The following SOCS5 variants were observed in gnomAD, a reference collection of about 807,000 sequenced individuals.
SOCS5 encodes the protein CIS-6.
In SOCS5, 32 loss-of-function variants were observed where a neutral mutation model predicts 42.8. The ratio of observed to expected loss-of-function variants is 0.75; its 90% confidence interval spans 0.56 to 1.01. The LOEUF is 1.01. Ranked by LOEUF, SOCS5 falls within the 50% of genes least tolerant of loss-of-function variation. SOCS5 has a pLI of 0.00. For synonymous variants in SOCS5, 283 were observed against 229.6 expected (o/e 1.23, Z -2.10); for missense variants, 627 against 653.0 (o/e 0.96, Z 0.43).
chr2:46,759,985 GTA>G lies in SOCS5; in HGVS notation c.1459_1460del (p.Ile487LeufsTer12), dbSNP rs754935057. On this transcript the variant is annotated frameshift_variant, in exon 2 of 2. Coordinates refer to ENST00000394861, the MANE Select transcript of SOCS5 (RefSeq NM_144949.3). LOFTEE classifies it high-confidence loss of function. ...LNRTFPFSLQ[Y>X]ICRAVICRCT... is the part of the protein sequence containing the mutation. ...ATAGGACTTTCCCTTTTAGCCTGCA[GTA>G]TATCTGTCGCGCGGTAATCTGCAGG... 1 of 1,614,040 alleles carries G rather than the reference GTA, an allele frequency of 6.2e-7. No homozygotes were observed. Among genetic ancestry groups the G allele is most frequent in the Non-Finnish European group, 8.5e-7 (1 of 1,180,030 alleles).
intron 1 of SOCS5, among the ~76,000 whole-genome samples, chr2:46,747,537 A>T (rs1186123738): frequency 1.3e-5 from 2 of 152,084 alleles, no homozygotes; most frequent in African/African-American, 2.4e-5. Context: ...AATCTGTTTT[A>T]TATCTCCATG....
chr2:46,723,246 A>C (rs1055759637), intron 1 of SOCS5, among the ~76,000 whole-genome samples: 1 of 152,008 alleles, frequency 6.6e-6, no homozygotes, highest in African/African-American at 2.4e-5. Flanking sequence ...CCATGTCCCA[A>C]TGATTTTATC....
At chr2:46,705,507 C>G (rs906263156) in intron 1 of SOCS5, among the ~76,000 whole-genome samples, 7 of 152,046 alleles carry the variant, frequency 4.6e-5, no homozygotes, top group Non-Finnish European at 1.0e-4. Context: ...TGTGAAGAAA[C>G]TGAGTTTGTT....
chr2:46,747,376 A>G (rs1247382522), intron 1 of SOCS5, among the ~76,000 whole-genome samples: 3 of 151,914 alleles, frequency 2.0e-5, no homozygotes, highest in African/African-American at 7.3e-5. Flanking sequence ...GCACACCACC[A>G]TACCTGGCTA....
intron 1 of SOCS5, among the ~76,000 whole-genome samples, chr2:46,704,110 G>A (rs1045829177): frequency 5.3e-5 from 8 of 152,156 alleles, no homozygotes; most frequent in Non-Finnish European, 2.9e-5. Flanking sequence ...ACCTTACTCT[G>A]ATGAGCTTTC....
intron 1 of SOCS5, among the ~76,000 whole-genome samples, chr2:46,734,588 A>G (rs1305353869): frequency 6.6e-6 from 1 of 152,212 alleles, no homozygotes; most frequent in East Asian, 1.9e-4. Flanking sequence ...AACTCTCAGA[A>G]TCATAATCTT....
At chr2:46,736,636 GTAGCATGTGT>G (rs750883150) in intron 1 of SOCS5, among the ~76,000 whole-genome samples, 11 of 152,122 alleles carry the variant, frequency 7.2e-5, no homozygotes, top group Non-Finnish European at 1.5e-4. Context: ...CATCCATGTT[GTAGCATGTGT>G]TAGAATATCC....
At chr2:46,755,366 C>A (rs1673709895) in intron 1 of SOCS5, among the ~76,000 whole-genome samples, 1 of 152,036 alleles carries the variant, frequency 6.6e-6, no homozygotes, top group South Asian at 2.1e-4. Context: ...TACTAGTTGG[C>A]ATTAAGAAGG....
At chr2:46,733,728 C>T (rs754281608) in intron 1 of SOCS5, among the ~76,000 whole-genome samples, 19 of 151,976 alleles carry the variant, frequency 1.3e-4, no homozygotes, top group African/African-American at 3.9e-4. Context: ...ATGAAGAAAG[C>T]CATGTATCTC....
intron 1 of SOCS5, among the ~76,000 whole-genome samples, chr2:46,739,241 T>C (rs986083305): frequency 2.0e-5 from 3 of 152,188 alleles, no homozygotes; most frequent in Non-Finnish European, 4.4e-5. Context: ...TCCATTGTTA[T>C]TGGATTGTAA....
chr2:46,727,510 T>C (rs1336283573), intron 1 of SOCS5, among the ~76,000 whole-genome samples: 1 of 152,206 alleles, frequency 6.6e-6, no homozygotes, highest in Non-Finnish European at 1.5e-5. Flanking sequence ...TAGCAGTCAG[T>C]TGAGTCTGTT....
At chr2:46,725,820 C>T (rs1260078175) in intron 1 of SOCS5, among the ~76,000 whole-genome samples, 1 of 152,092 alleles carries the variant, frequency 6.6e-6, no homozygotes, top group African/African-American at 2.4e-5. Flanking sequence ...AATGAATTCT[C>T]ATAATTTTAC....
intron 1 of SOCS5, among the ~76,000 whole-genome samples, chr2:46,729,169 C>T (rs1056381760): frequency 1.3e-5 from 2 of 152,184 alleles, no homozygotes; most frequent in African/African-American, 4.8e-5. Context: ...TAGTTTTTCA[C>T]CATTGTTTGA....
At chr2:46,704,656 C>T (rs1294215461) in intron 1 of SOCS5, among the ~76,000 whole-genome samples, 2 of 152,144 alleles carry the variant, frequency 1.3e-5, no homozygotes, top group Non-Finnish European at 2.9e-5. Flanking sequence ...TAAGCCTCAT[C>T]ATTTCTTAAG....
intron 1 of SOCS5, among the ~76,000 whole-genome samples, chr2:46,725,225 C>T (rs187761617): frequency 2.2e-4 from 33 of 151,724 alleles, no homozygotes; most frequent in South Asian, 1.0e-3. Context: ...CTTTTTTCAT[C>T]CTTTTACTTC....
chr2:46,714,871 G>A (rs1672703756), intron 1 of SOCS5, among the ~76,000 whole-genome samples: 1 of 151,936 alleles, frequency 6.6e-6, no homozygotes, highest in Non-Finnish European at 1.5e-5. Context: ...TATCTTTCCT[G>A]TTGGTTTGTA....
intron 1 of SOCS5, among the ~76,000 whole-genome samples, chr2:46,712,364 GAC>G (rs1672643399): frequency 1.3e-5 from 1 of 75,464 alleles, no homozygotes; most frequent in African/African-American, 4.7e-5. Context: ...TTTTTTTTGA[GAC>G]ACAGTCTCGC....
At chr2:46,702,164 G>A (rs529705866) in intron 1 of SOCS5, among the ~76,000 whole-genome samples, 3 of 152,030 alleles carry the variant, frequency 2.0e-5, no homozygotes, top group Admixed American at 2.0e-4. Context: ...ACATAGAAAG[G>A]GTACAGCAAA....
In SOCS5 at chr2:46,758,726, C is replaced by A. The variant is rs756196760; in HGVS notation, c.196C>A (p.Gln66Lys). 6.2e-7 allele frequency: 1 copy of A among 1,614,078 alleles called. No individual in the cohort carries two copies. Among genetic ancestry groups the A allele is most frequent in the Non-Finnish European group, 8.5e-7 (1 of 1,179,936 alleles). ...SSPLRENIAL[Q>K]LGLSPSKNSS... Reference sequence around the variant, plus strand: ...TCCCTTAAGAGAAAATATTGCCTTACAACTGGGATTAAGCCCTTCGAAGAA... The same window carrying A: ...TCCCTTAAGAGAAAATATTGCCTTAAAACTGGGATTAAGCCCTTCGAAGAA... The change falls in exon 2 of 2, where the codon CAA becomes AAA. Residue 66 changes from glutamine (Q) to lysine (K), a missense_variant. Around this residue, in one of 3 missense-constraint regions of SOCS5, gnomAD observed 278 missense variants for 246.3 expected, o/e 1.13. Coordinates refer to ENST00000394861, the MANE Select transcript of SOCS5 (RefSeq NM_144949.3).
Sources: allele counts gnomAD v4.1 joint callset (sites outside exome capture counted in the v4.1 genomes callset), GRCh38; gene constraint gnomAD v4.1.1; regional missense constraint gnomAD v4.1.1; transcripts MANE v1.5; gene names NCBI Gene and HGNC (gene_info 2026-07-23, HGNC 2026-07-21).